The following ABHD2 variants were observed in gnomAD, a reference collection of about 807,000 sequenced individuals.
ABHD2 encodes monoacylglycerol lipase ABHD2.
ABHD2 carries 20 observed loss-of-function variants against 48.1 expected under a neutral mutation model. The ratio of observed to expected loss-of-function variants is 0.42; its 90% CI spans 0.29 to 0.60. The LOEUF (loss-of-function observed/expected upper bound fraction) is 0.60, where lower values mean the gene tolerates loss of function less well. ABHD2 is among the 20% of genes least tolerant of loss of function. The probability of loss-of-function intolerance (pLI) is 0.24; values close to 1 mark genes in which losing one functional copy is unlikely to be tolerated. For synonymous variants in ABHD2, 209 were observed against 214.2 expected (o/e 0.98, Z 0.21); for missense variants, 405 against 550.9 (o/e 0.74, Z 2.65).
chr15:89,095,424 TTA>T (rs1430355854), intron 1 of ABHD2, among the ~76,000 whole-genome samples: 1 of 152,212 alleles, frequency 6.6e-6, no homozygotes, highest in Non-Finnish European at 1.5e-5. Context: ...TGAGGTGAAC[TTA>T]TACTGGAAAT....
At position 89,146,738 on chromosome 15, in the gene ABHD2, A is replaced by C. The variant is rs1263700904; in HGVS notation, c.195-4939A>C. 6.6e-6 allele frequency among the ~76,000 whole-genome samples: 1 copy of C among 152,200 alleles called. No homozygotes were observed. Among genetic ancestry groups the C allele is most frequent in the East Asian group, 1.9e-4 (1 of 5,204 alleles). On this transcript the variant is annotated intron_variant, in intron 3 of 10. Coordinates refer to ENST00000352732, the MANE Select transcript of ABHD2 (RefSeq NM_152924.5). This position sits in a 1 kb window ranked among gnomAD's most constrained non-coding sequence, Gnocchi z 4.2. ...GAAAGACATGCAAATTAGCGTAGTA[A>C]AAATGGAATATTCTGTAAAACATGA...
At position 89,201,214 on chromosome 15, in the gene ABHD2, C is replaced by T; in HGVS notation, c.*5791C>T. The T allele has an allele frequency of 6.8e-7, 1 of 1,473,174 alleles. No homozygotes were observed. The highest frequency in any genetic ancestry group is 2.3e-5 in the East Asian group (1 of 44,108). The allele number at this position is 1,473,174 out of a possible 1,614,324, so 91.3% of individuals were successfully genotyped here. On this transcript the variant is annotated 3_prime_UTR_variant, in exon 11 of 11. Coordinates refer to ENST00000352732, the MANE Select transcript of ABHD2 (RefSeq NM_152924.5). ...TATCCGAATATGCTACCTTTCTGAG[C>T]CTTAAACCTTCATCTCTCAGGTGTT... is the stretch of plus-strand genomic sequence containing the variant.
intron 5 of ABHD2, among the ~76,000 whole-genome samples, chr15:89,161,914 A>G (rs891762833): frequency 6.6e-6 from 1 of 152,164 alleles, no homozygotes; most frequent in African/African-American, 2.4e-5. Flanking sequence ...GGGTGTCAGC[A>G]GGGTTGGTTT....
rs1294181621 is a variant in ABHD2 at position 89,146,454 on chromosome 15, T to C, written c.195-5223T>C. On this transcript the variant is annotated intron_variant, in intron 3 of 10. Coordinates refer to ENST00000352732, the MANE Select transcript of ABHD2 (RefSeq NM_152924.5). This position sits in a 1 kb window ranked among gnomAD's most constrained non-coding sequence, Gnocchi z 4.2. ...TCCAGACCCTTGTGGTCTTTCCCACTGACCAATTCTCTTAGTAAGCCAGAT... is the reference window on the plus strand; with the variant it reads ...TCCAGACCCTTGTGGTCTTTCCCACCGACCAATTCTCTTAGTAAGCCAGAT... Among the ~76,000 whole-genome samples, 2 of 151,338 alleles carry C rather than the reference T, an allele frequency of 1.3e-5. No homozygotes were observed. The highest frequency in any genetic ancestry group is 2.9e-5 in the Non-Finnish European group (2 of 67,846).
At chr15:89,077,485 T>A in the ABHD2 span, among the ~76,000 whole-genome samples, 1 of 152,218 alleles carries the variant, frequency 6.6e-6, no homozygotes, top group African/African-American at 2.4e-5. Context: ...TACTTAAGAA[T>A]GAGAATTATG....
chr15:89,095,634 C>T (rs1290342796), intron 1 of ABHD2, among the ~76,000 whole-genome samples: 2 of 152,104 alleles, frequency 1.3e-5, no homozygotes. Flanking sequence ...TTGGTATGCC[C>T]GGTAATGGCC....
the ABHD2 span, among the ~76,000 whole-genome samples, chr15:89,062,325 A>T: frequency 2.0e-5 from 3 of 151,320 alleles, no homozygotes; most frequent in African/African-American, 7.3e-5. Flanking sequence ...GTAAGACTGG[A>T]GGAAGTTATG....
At position 89,190,964 on chromosome 15, in the gene ABHD2, C is replaced by T. The variant is rs150296432; in HGVS notation, c.927-116C>T. On this transcript the variant is annotated intron_variant, in intron 8 of 10. Transcript: ENST00000352732. ...CAGGCCTAGCTCCTGCCTCTGTCTA[C>T]TCTACCAATGCCACAAGTTAGCGTG... is the stretch of plus-strand genomic sequence containing the variant. The T allele has an allele frequency of 8.4e-6, 8 of 954,900 alleles. No homozygotes were observed. In the African/African-American group the frequency reaches 1.3e-4, roughly 15 times the overall value. The allele number at this position is 954,900 out of a possible 1,614,324, so 59.2% of individuals were successfully genotyped here.
rs1476565801 is a variant in ABHD2 at position 89,182,778 on chromosome 15, GTGAGACTCCATCTCAAGAA to G, written c.723-2645_723-2627del. Among the ~76,000 whole-genome samples the G allele has an allele frequency of 2.0e-5, 3 of 152,202 alleles. No homozygotes were observed. Among genetic ancestry groups the G allele is most frequent in the Non-Finnish European group, 4.4e-5 (3 of 68,030 alleles). ...ACTGCACTCCAGCCTGAGCAACAGA[GTGAGACTCCATCTCAAGAA>G]ACAAAAACAAAAAAAGAACTTGGAT... is the stretch of plus-strand genomic sequence containing the variant. On this transcript the variant is annotated intron_variant, in intron 6 of 10. Transcript: ENST00000352732. This position sits in a 1 kb window ranked among gnomAD's most constrained non-coding sequence, Gnocchi z 4.8.
intron 5 of ABHD2, among the ~76,000 whole-genome samples, chr15:89,165,954 G>A (rs1319112178): frequency 1.3e-5 from 2 of 152,206 alleles, no homozygotes; most frequent in Non-Finnish European, 2.9e-5. Flanking sequence ...GAGCAAAGAA[G>A]AGGTAGATCA....
At chr15:89,135,802 AT>A in intron 3 of ABHD2, 5 of 793,440 alleles carry the variant, frequency 6.3e-6, no homozygotes, top group Non-Finnish European at 1.1e-5. Flanking sequence ...TTGCAACATC[AT>A]TAGTGGACAG....
chr15:89,171,969 ACTCT>A (rs2050935852), intron 5 of ABHD2, among the ~76,000 whole-genome samples: 1 of 151,536 alleles, frequency 6.6e-6, no homozygotes, highest in South Asian at 2.1e-4. Context: ...TATTTCTTTA[ACTCT>A]CTCAATGATT....
In ABHD2 at chr15:89,195,629, C is replaced by G. The variant is rs1417088757; in HGVS notation, c.*206C>G. 1.9e-6 allele frequency: 1 copy of G among 531,246 alleles called. No individual in the cohort carries two copies. The highest frequency in any genetic ancestry group is 3.2e-5 in the East Asian group (1 of 30,924). 32.9% of individuals were successfully genotyped at this position (531,246 alleles called of 1,614,324 possible). A position where few individuals can be genotyped will look rare whatever the true frequency, so the allele number is the denominator to read the frequency against. ...TTTTGTGCTTAGTTACTGGTTTTCT[C>G]CATTGCATTGTTAGGCATGGTGACA... On this transcript the variant is annotated 3_prime_UTR_variant, in exon 11 of 11. Coordinates refer to ENST00000352732, the MANE Select transcript of ABHD2 (RefSeq NM_152924.5). The surrounding 1 kb of genome is among the most constrained non-coding windows in gnomAD (Gnocchi z 5.1).
the ABHD2 span, among the ~76,000 whole-genome samples, chr15:89,045,224 G>A: frequency 1.3e-5 from 2 of 151,614 alleles, no homozygotes; most frequent in African/African-American, 2.4e-5. Flanking sequence ...TAGATATGCG[G>A]CGTTATTTCT....
At chr15:89,156,793 C>T (rs1268903048) in intron 5 of ABHD2, among the ~76,000 whole-genome samples, 1 of 151,824 alleles carries the variant, frequency 6.6e-6, no homozygotes, top group East Asian at 1.9e-4. Context: ...CTTATTAGCT[C>T]TCTCTTTAGA....
At chr15:89,046,323 A>C in the ABHD2 span, among the ~76,000 whole-genome samples, 947 of 152,316 alleles carry the variant, frequency 6.2e-3, 8 homozygotes, top group African/African-American at 0.022. Flanking sequence ...GGATTTTTGC[A>C]TCGATGTTCA....
chr15:89,062,429 G>A, the ABHD2 span, among the ~76,000 whole-genome samples: 1 of 152,024 alleles, frequency 6.6e-6, no homozygotes, highest in African/African-American at 2.4e-5. Flanking sequence ...GTGTCGCCCA[G>A]CCTGTAGTGC....
At position 89,163,276 on chromosome 15, in the gene ABHD2, T is replaced by G. The variant is rs1380042762; in HGVS notation, c.538+7742T>G. 2.6e-5 allele frequency among the ~76,000 whole-genome samples: 4 copies of G among 152,364 alleles called. No individual in the cohort carries two copies. In the East Asian group the frequency reaches 7.7e-4, roughly 29 times the overall value. ...AACCACATAAGCTTTGCTAATGTGA[T>G]TAGAAATTGTTGAAAACAGATCTGC... On this transcript the variant is annotated intron_variant, in intron 5 of 10. Transcript: ENST00000352732.
chr15:89,115,280 T>G (rs1435660594), intron 2 of ABHD2, among the ~76,000 whole-genome samples: 1 of 152,182 alleles, frequency 6.6e-6, no homozygotes, highest in Non-Finnish European at 1.5e-5. Flanking sequence ...GCTGATGTTC[T>G]GTTTTTCTGC....
Sources: allele counts gnomAD v4.1 joint callset (sites outside exome capture counted in the v4.1 genomes callset), GRCh38; gene constraint gnomAD v4.1.1; non-coding constraint Gnocchi (gnomAD v3.1); transcripts MANE v1.5; gene names NCBI Gene and HGNC (gene_info 2026-07-23, HGNC 2026-07-21).